The following PTCD1 variants were observed in gnomAD, a reference collection of about 807,000 sequenced individuals.
The protein encoded by PTCD1 is pentatricopeptide repeat domain 1.
Under a neutral mutation model 53.4 loss-of-function variants are expected in PTCD1, and 50 were observed. The ratio of observed to expected loss-of-function variants is 0.94; its 90% CI spans 0.75 to 1.19. The LOEUF is 1.19. Among genes scored for constraint, PTCD1 ranks in the 50% most tolerant of loss-of-function variants. The pLI is 0.00. For missense variants in PTCD1, 918 were observed against 904.8 expected (o/e 1.01, Z -0.19); for synonymous variants, 413 against 394.8 (o/e 1.05, Z -0.55).
At chr7:99,426,472 G>A (rs1205007451) in intron 5 of PTCD1, among the ~76,000 whole-genome samples, 2 of 152,142 alleles carry the variant, frequency 1.3e-5, no homozygotes, top group African/African-American at 2.4e-5. Flanking sequence ...GATTGCAGAC[G>A]GAGTCTCGTT....
In PTCD1 at chr7:99,425,327, G is replaced by A. The variant is rs182273675; in HGVS notation, c.1205C>T (p.Pro402Leu). 8.5e-5 allele frequency: 137 copies of A among 1,614,160 alleles called. No individual in the cohort carries two copies. The highest frequency in any genetic ancestry group is 7.7e-5 in the South Asian group (7 of 91,076). ...PSQALGPPEP[P>L]EARVPGKAQP... ...GGCCTTGCCGGGCACTCTGGCTTCC[G>A]GAGGCTCTGGAGGCCCAAGTGCCTG... The change falls in exon 6 of 8, where the codon CCG becomes CTG. Residue 402 changes from proline (P) to leucine (L), a missense_variant. Pro to Leu is a moderately conservative substitution (Grantham distance 98). Coordinates refer to ENST00000292478, the MANE Select transcript of PTCD1 (RefSeq NM_015545.4).
intron 5 of PTCD1, among the ~76,000 whole-genome samples, chr7:99,427,607 C>T (rs1796102326): frequency 6.6e-6 from 1 of 152,162 alleles, no homozygotes. Flanking sequence ...GGAGGTGTGC[C>T]CAGCGGCTCA....
Position 99,425,623 on chromosome 7 carries a change from C to A in PTCD1, c.916-7G>T. 1 of 1,604,396 alleles carries A rather than the reference C, an allele frequency of 6.2e-7. No individual in the cohort carries two copies. Among genetic ancestry groups the A allele is most frequent in the Non-Finnish European group, 8.5e-7 (1 of 1,176,918 alleles). ...TCAGCATCAGCCGCCACACCTGCCA[C>A]GGAAGAGACAAACGTCAGCTGGGTG... On this transcript the variant is annotated splice_region_variant and splice_polypyrimidine_tract_variant and intron_variant, in intron 5 of 7. Coordinates refer to ENST00000292478, the MANE Select transcript of PTCD1 (RefSeq NM_015545.4).
In PTCD1 at chr7:99,417,472, C is replaced by T. The variant is rs1795565670; in HGVS notation, c.*2495G>A. On this transcript the variant is annotated 3_prime_UTR_variant, in exon 8 of 8. Transcript: ENST00000292478. ...TTAAAGAAGGCTATGCAGACAAAAA[C>T]CTGATTGCAAAATGGAAAAAGCAAG... 5.0e-6 allele frequency: 8 copies of T among 1,612,334 alleles called. No individual in the cohort carries two copies. The highest frequency in any genetic ancestry group is 6.8e-6 in the Non-Finnish European group (8 of 1,179,280).
chr7:99,419,326 A>G lies in PTCD1; in HGVS notation c.*641T>C, dbSNP rs2150942330. On this transcript the variant is annotated 3_prime_UTR_variant, in exon 8 of 8. Transcript: ENST00000292478. ...AGGTCCTTCGTGGGAGGGTTGCCAC[A>G]TATGTGAGTGTGCAGGGGCGAGCGT... is the stretch of plus-strand genomic sequence containing the variant. 6.3e-7 allele frequency: 1 copy of G among 1,583,904 alleles called. No homozygotes were observed. Among genetic ancestry groups the G allele is most frequent in the Non-Finnish European group, 8.6e-7 (1 of 1,156,650 alleles).
chr7:99,416,835 C>T lies in PTCD1; in HGVS notation c.*3132G>A, dbSNP rs921174552. On this transcript the variant is annotated 3_prime_UTR_variant, in exon 8 of 8. Transcript: ENST00000292478. ...TTCTGGGCTCAAGGGATCCTCTCAC[C>T]TCAACCTCCTGAGTAGCTGTGACTA... is the stretch of plus-strand genomic sequence containing the variant. 6.3e-6 allele frequency: 1 copy of T among 159,316 alleles called. No homozygotes were observed. The highest frequency in any genetic ancestry group is 2.4e-5 in the African/African-American group (1 of 41,282). 9.9% of individuals were successfully genotyped at this position (159,316 alleles called of 1,614,324 possible). A position where few individuals can be genotyped will look rare whatever the true frequency, so the allele number is the denominator to read the frequency against.
intron 2 of PTCD1, 37 bp downstream of exon 2, chr7:99,434,753 A>G (rs1174778622): frequency 3.1e-6 from 5 of 1,612,534 alleles, no homozygotes; most frequent in South Asian, 1.1e-5. Context: ...ACCAGGGGAA[A>G]GAAGCCAGGA....
chr7:99,427,130 T>TA (rs1796065771), intron 5 of PTCD1, among the ~76,000 whole-genome samples: 1 of 125,030 alleles, frequency 8.0e-6, no homozygotes, highest in African/African-American at 3.1e-5. Flanking sequence ...GGGAGGGAGG[T>TA]GGGGGTCAGC....
chr7:99,425,626 AAG>A lies in PTCD1; in HGVS notation c.916-12_916-11del. The A allele has an allele frequency of 6.2e-7, 1 of 1,604,194 alleles. No homozygotes were observed. Among genetic ancestry groups the A allele is most frequent in the Non-Finnish European group, 8.5e-7 (1 of 1,176,906 alleles). ...GCATCAGCCGCCACACCTGCCACGG[AAG>A]AGACAAACGTCAGCTGGGTGCTCCC... On this transcript the variant is annotated splice_polypyrimidine_tract_variant and intron_variant, in intron 5 of 7. Coordinates refer to ENST00000292478, the MANE Select transcript of PTCD1 (RefSeq NM_015545.4).
chr7:99,429,438 T>C, intron 4 of PTCD1, 150 bp downstream of exon 4: 1 of 1,263,652 alleles, frequency 7.9e-7, no homozygotes, highest in South Asian at 1.3e-5. Flanking sequence ...TAAGGTCTCA[T>C]CAGATCCATC....
Position 99,418,070 on chromosome 7 carries a change from C to G in PTCD1, c.*1897G>C. On this transcript the variant is annotated 3_prime_UTR_variant, in exon 8 of 8. Transcript: ENST00000292478. The stretch of plus-strand genomic sequence containing the variant: ...GCAACCTCCACCTCCCGGGTTCAAG[C>G]GGTTCTCCTGCCTCATCCTCCTGAG... 1.1e-6 allele frequency: 1 copy of G among 897,744 alleles called. No homozygotes were observed. The highest frequency in any genetic ancestry group is 1.4e-6 in the Non-Finnish European group (1 of 717,212). 55.6% of individuals were successfully genotyped at this position (897,744 alleles called of 1,614,324 possible).
At chr7:99,437,015 C>T (rs556645547) in intron 1 of PTCD1, among the ~76,000 whole-genome samples, 2 of 152,222 alleles carry the variant, frequency 1.3e-5, no homozygotes, top group Non-Finnish European at 2.9e-5. Flanking sequence ...CTGGTGCACA[C>T]CACCATACCT....
chr7:99,423,787 G>T lies in PTCD1; in HGVS notation c.1908C>A (p.Pro636=), dbSNP rs774214278. 2.7e-5 allele frequency: 44 copies of T among 1,614,022 alleles called. No individual in the cohort carries two copies. The highest frequency in any genetic ancestry group is 1.5e-4 in the Admixed American group (9 of 60,000). The change falls in exon 7 of 8, where the codon CCC becomes CCA. Residue 636 remains proline, a synonymous_variant. Transcript: ENST00000292478. ...RQLEFAAQYP[P]TFDRYQGKNT... is the part of the protein sequence containing the mutation. ...TTGGGGCACACACCCGGTCAAAGGTGGGAGGGTACTGGGCTGCAAACTCCA... is the reference window on the plus strand; with the variant it reads ...TTGGGGCACACACCCGGTCAAAGGTTGGAGGGTACTGGGCTGCAAACTCCA...
chr7:99,426,296 T>A lies in PTCD1; in HGVS notation c.916-680A>T, dbSNP rs1038610777. ...GCTCACTGCAACCTCCCTGCCTGAT[T>A]CTCCTGCCTCAGCCTGCCGAGTACC... On this transcript the variant is annotated intron_variant, in intron 5 of 7. Coordinates refer to ENST00000292478, the MANE Select transcript of PTCD1 (RefSeq NM_015545.4). Among the ~76,000 whole-genome samples the A allele has an allele frequency of 4.6e-5, 7 of 152,024 alleles. 1 individual carries two copies. The highest frequency in any genetic ancestry group is 2.0e-4 in the Admixed American group (3 of 15,282).
chr7:99,424,867 C>T lies in PTCD1; in HGVS notation c.1665G>A (p.Leu555=). Residue 555 remains leucine, a synonymous_variant, in exon 6 of 8, where the codon CTG becomes CTA. Coordinates refer to ENST00000292478, the MANE Select transcript of PTCD1 (RefSeq NM_015545.4). ...CGATGGCCAGGTTGCAGAATGTCTG[C>T]AGGTTGGGGACGAGGCCCCTCTTTG... ...VLAKRGLVPN[L]QTFCNLAIGC... is the part of the protein sequence containing the mutation. 1 of 1,614,258 alleles carries T rather than the reference C, an allele frequency of 6.2e-7. No homozygotes were observed. Among genetic ancestry groups the T allele is most frequent in the Non-Finnish European group, 8.5e-7 (1 of 1,180,040 alleles).
Position 99,434,927 on chromosome 7 carries a change from C to T in PTCD1, c.316G>A (p.Ala106Thr), listed in dbSNP as rs780586921. ...AACCGCAGGTTATGGAACTGGGCTG[C>T]GGATTTGCGGAATAGTCTCCGGGAG... ...YSSRRLFRKS[A>T]AQFHNLRFGE... Residue 106 changes from alanine (A) to threonine (T), a missense_variant, in exon 2 of 8, where the codon GCA becomes ACA. Coordinates refer to ENST00000292478, the MANE Select transcript of PTCD1 (RefSeq NM_015545.4). The T allele has an allele frequency of 3.7e-6, 6 of 1,614,228 alleles. No homozygotes were observed. The highest frequency in any genetic ancestry group is 2.2e-5 in the East Asian group (1 of 44,886).
chr7:99,432,590 C>A (rs931598885), intron 3 of PTCD1, among the ~76,000 whole-genome samples: 2 of 148,862 alleles, frequency 1.3e-5, no homozygotes, highest in Admixed American at 6.6e-5. Context: ...GCCTGCGCAG[C>A]GCAGGTCCTC....
At chr7:99,427,414 C>T (rs1367402373) in intron 5 of PTCD1, among the ~76,000 whole-genome samples, 6 of 150,298 alleles carry the variant, frequency 4.0e-5, no homozygotes, top group Admixed American at 1.3e-4. Flanking sequence ...CGCCTCTGCC[C>T]GGCCGCCCCT....
intron 1 of PTCD1, among the ~76,000 whole-genome samples, chr7:99,436,310 T>C (rs1796463826): frequency 6.6e-6 from 1 of 151,912 alleles, no homozygotes; most frequent in South Asian, 2.1e-4. Context: ...TGATGGCAGA[T>C]TGAACAGATT....
Sources: allele counts gnomAD v4.1 joint callset (sites outside exome capture counted in the v4.1 genomes callset), GRCh38; gene constraint gnomAD v4.1.1; transcripts MANE v1.5; gene names NCBI Gene and HGNC (gene_info 2026-07-23, HGNC 2026-07-21).